PPHLN1: variants seen among roughly 807,000 people sequenced by gnomAD.
The protein encoded by PPHLN1 is periphilin 1.
PPHLN1 carries 29 observed loss-of-function variants against 51.3 expected under a neutral mutation model. The observed-to-expected ratio is 0.57, with a 90% CI of 0.42 to 0.77. PPHLN1 has a LOEUF of 0.77. PPHLN1 is among the 30% of genes least tolerant of loss of function. The pLI, the probability that PPHLN1 is intolerant of heterozygous loss-of-function variation, is 0.00. For missense variants in PPHLN1, 436 were observed against 438.4 expected, an observed-to-expected ratio of 0.99 and a Z score of 0.05; for synonymous variants, 147 against 147.8, an observed-to-expected ratio of 0.99 and a Z score of 0.04.
chr12:42,426,250 C>A (rs1269298597), intron 9 of PPHLN1, among the ~76,000 whole-genome samples: 1 of 142,186 alleles, frequency 7.0e-6, no homozygotes, highest in Admixed American at 7.0e-5. Flanking sequence ...TGTCTCATGG[C>A]AGTTAGGAAT....
intron 9 of PPHLN1, among the ~76,000 whole-genome samples, chr12:42,430,224 G>A (rs1038785558): frequency 2.6e-5 from 4 of 151,866 alleles, no homozygotes; most frequent in African/African-American, 7.3e-5. Flanking sequence ...ATGGGTCTTC[G>A]ATTTTAGCTG....
intron 4 of PPHLN1, among the ~76,000 whole-genome samples, chr12:42,362,603 T>C (rs534737594): frequency 5.8e-4 from 88 of 152,342 alleles, no homozygotes; most frequent in Non-Finnish European, 1.1e-3. Context: ...TGGAGAGTGA[T>C]TTTTTGAAGC....
At chr12:42,366,461 C>T (rs1245109256) in intron 4 of PPHLN1, among the ~76,000 whole-genome samples, 1 of 152,090 alleles carries the variant, frequency 6.6e-6, no homozygotes, top group African/African-American at 2.4e-5. Flanking sequence ...CTCCTGAACT[C>T]AGGTGATCTG....
chr12:42,370,630 T>G (rs1209271432), intron 4 of PPHLN1, among the ~76,000 whole-genome samples: 1 of 152,238 alleles, frequency 6.6e-6, no homozygotes, highest in African/African-American at 2.4e-5. Flanking sequence ...TTGGCTTTTT[T>G]CTATCAGCCT....
At chr12:42,446,493 T>C, downstream of PPHLN1, 1 of 1,441,050 alleles carries the variant, frequency 6.9e-7, no homozygotes, top group East Asian at 2.5e-5. Context: ...AAAAAAAATC[T>C]CTCCTAGAAA....
intron 9 of PPHLN1, among the ~76,000 whole-genome samples, chr12:42,418,064 T>A (rs1490146148): frequency 2.7e-5 from 4 of 149,766 alleles, no homozygotes; most frequent in African/African-American, 9.8e-5. Context: ...CTCAGCCTCC[T>A]ACGTAGCTGG....
intron 6 of PPHLN1, among the ~76,000 whole-genome samples, chr12:42,385,893 C>T (rs1446138919): frequency 6.6e-6 from 1 of 152,176 alleles, no homozygotes; most frequent in African/African-American, 2.4e-5. Context: ...CACTATCACA[C>T]TATGATGTGA....
At chr12:42,364,595 C>T (rs2075061385) in intron 4 of PPHLN1, among the ~76,000 whole-genome samples, 1 of 152,054 alleles carries the variant, frequency 6.6e-6, no homozygotes, top group East Asian at 1.9e-4. Flanking sequence ...TTGCACTCCA[C>T]CCTGGGTGAC....
chr12:42,446,588 C>G, downstream of PPHLN1: 4 of 1,612,994 alleles, frequency 2.5e-6, no homozygotes, highest in South Asian at 4.4e-5. Context: ...TTTACTAATT[C>G]TAGGATGTAA....
chr12:42,431,924 A>C, intron 9 of PPHLN1: 3 of 1,545,440 alleles, frequency 1.9e-6, no homozygotes, highest in Non-Finnish European at 2.7e-6. Flanking sequence ...CGTCTACGAG[A>C]CCTCGTATGA....
downstream of PPHLN1, chr12:42,445,178 G>A: frequency 1.4e-6 from 1 of 700,296 alleles, no homozygotes; most frequent in East Asian, 2.7e-5. Flanking sequence ...ACAGCTCACT[G>A]CCTGACCCAC....
chr12:42,435,679 A>G (rs1191483904), intron 9 of PPHLN1, among the ~76,000 whole-genome samples: 2 of 152,086 alleles, frequency 1.3e-5, no homozygotes, highest in African/African-American at 4.8e-5. Flanking sequence ...TTATTTTTAT[A>G]TACCTTTCAT....
At chr12:42,446,820 C>A (rs1593086712), downstream of PPHLN1, 2 of 523,830 alleles carry the variant, frequency 3.8e-6, no homozygotes, top group East Asian at 2.9e-5. Flanking sequence ...TTAATTAATT[C>A]TCTTACCCTG....
chr12:42,326,911 C>T (rs1320284616), intron 1 of PPHLN1, among the ~76,000 whole-genome samples: 1 of 152,208 alleles, frequency 6.6e-6, no homozygotes, highest in African/African-American at 2.4e-5. Flanking sequence ...AACCCACAGC[C>T]TCTCCTGGAG....
chr12:42,431,923 G>A (rs529701098), intron 9 of PPHLN1: 1 of 1,545,674 alleles, frequency 6.5e-7, no homozygotes, highest in Admixed American at 1.7e-5. Flanking sequence ...TCGTCTACGA[G>A]ACCTCGTATG....
intron 7 of PPHLN1, among the ~76,000 whole-genome samples, chr12:42,390,532 A>G (rs573011832): frequency 7.2e-5 from 11 of 152,266 alleles, no homozygotes; most frequent in South Asian, 6.2e-4. Flanking sequence ...GAAAACAACC[A>G]TGTTGAATTT....
Position 42,374,939 on chromosome 12 carries a change from G to A in PPHLN1, c.376G>A (p.Asp126Asn). Residue 126 changes from aspartate to asparagine, a missense_variant, in exon 5 of 10, where the codon GAC becomes AAC. Coordinates refer to ENST00000358314, the MANE Select transcript of PPHLN1 (RefSeq NM_201439.2). ...YARERSPYKR[D>N]NTFFRESPVG... ...GAGAGAGCGGTCTCCTTATAAAAGGGACAATACTTTTTTCAGAGAATCACC... is the reference window on the plus strand; with the variant it reads ...GAGAGAGCGGTCTCCTTATAAAAGGAACAATACTTTTTTCAGAGAATCACC... 2 of 1,613,760 alleles carry A rather than the reference G, an allele frequency of 1.2e-6. No individual in the cohort carries two copies. The highest frequency in any genetic ancestry group is 2.2e-5 in the South Asian group (2 of 91,074).
At chr12:42,395,835 T>C (rs993508037) in intron 8 of PPHLN1, among the ~76,000 whole-genome samples, 45 of 152,332 alleles carry the variant, frequency 3.0e-4, no homozygotes, top group Middle Eastern at 3.4e-3. Context: ...ATAGAATGAA[T>C]GCTTAAGTTT....
chr12:42,333,258 T>C (rs946230189), intron 1 of PPHLN1, among the ~76,000 whole-genome samples: 1 of 152,104 alleles, frequency 6.6e-6, no homozygotes, highest in African/African-American at 2.4e-5. Context: ...ATACAAAATA[T>C]TCCTTTTGTA....
Sources: allele counts gnomAD v4.1 joint callset (sites outside exome capture counted in the v4.1 genomes callset), GRCh38; gene constraint gnomAD v4.1.1; transcripts MANE v1.5; gene names NCBI Gene and HGNC (gene_info 2026-07-23, HGNC 2026-07-21).